The following SYNJ2BP variants were observed in gnomAD, a reference collection of about 807,000 sequenced individuals.
The protein encoded by SYNJ2BP is synaptojanin-2-binding protein.
Under a neutral mutation model 16.9 loss-of-function variants are expected in SYNJ2BP, and 10 were observed. The ratio of observed to expected loss-of-function variants is 0.59; its 90% CI spans 0.36 to 1.00. The LOEUF is 1.00. Ranked by LOEUF, SYNJ2BP falls within the 50% of genes least tolerant of loss-of-function variation. The pLI, the probability that SYNJ2BP is intolerant of heterozygous loss-of-function variation, is 0.01. For synonymous variants in SYNJ2BP, 54 were observed against 68.4 expected, an observed-to-expected ratio of 0.79 and a Z score of 1.04; for missense variants, 162 against 186.7, an observed-to-expected ratio of 0.87 and a Z score of 0.77.
At chr14:70,381,335 T>C (rs1343848257) in intron 2 of SYNJ2BP, among the ~76,000 whole-genome samples, 2 of 152,246 alleles carry the variant, frequency 1.3e-5, no homozygotes, top group East Asian at 1.9e-4. Context: ...GTTATTCTAA[T>C]GACTACTTTA....
At position 70,404,860 on chromosome 14, in the gene SYNJ2BP, T is replaced by C. The variant is rs1336164008; in HGVS notation, c.64+12040A>G. Among the ~76,000 whole-genome samples, 5 of 152,274 alleles carry C rather than the reference T, an allele frequency of 3.3e-5. No individual in the cohort carries two copies. In the East Asian group the frequency reaches 9.7e-4, roughly 29 times the overall value. On this transcript the variant is annotated intron_variant, in intron 1 of 3. Transcript: ENST00000256366. Reference sequence around the variant, plus strand: ...AATAAGGAGGGCCAGGTATAGCGGTTCACGCCTGTAATTCCAGCACTTTGG... The same window carrying C: ...AATAAGGAGGGCCAGGTATAGCGGTCCACGCCTGTAATTCCAGCACTTTGG...
At chr14:70,379,914 T>A (rs1887710897) in intron 2 of SYNJ2BP, among the ~76,000 whole-genome samples, 1 of 152,172 alleles carries the variant, frequency 6.6e-6, no homozygotes, top group Non-Finnish European at 1.5e-5. Context: ...TTCATAGTAA[T>A]ATAAATGCAA....
rs749661485 is a variant in SYNJ2BP at position 70,372,970 on chromosome 14, T to C, written c.*21A>G. ...GAGTGAAATGTATCTTCATTGGGAG[T>C]ATTGAAAGAGAGCAAGTTTTTCAAA... On this transcript the variant is annotated 3_prime_UTR_variant, in exon 4 of 4. Coordinates refer to ENST00000256366, the MANE Select transcript of SYNJ2BP (RefSeq NM_018373.3). 3.1e-6 allele frequency: 5 copies of C among 1,612,742 alleles called. No homozygotes were observed. Among genetic ancestry groups the C allele is most frequent in the Admixed American group, 3.3e-5 (2 of 59,912 alleles).
At chr14:70,378,144 T>C (rs1361182347) in intron 2 of SYNJ2BP, among the ~76,000 whole-genome samples, 1 of 152,224 alleles carries the variant, frequency 6.6e-6, no homozygotes, top group East Asian at 1.9e-4. Context: ...TCCTCTTCCC[T>C]TTCTTTCTCC....
rs568166292 is a variant in SYNJ2BP, at chr14:70,379,640, T to C, written c.202-3869A>G. The stretch of plus-strand genomic sequence containing the variant: ...TATGCCTTGGTTTTCTTGTTAGATA[T>C]GCTGTAGGAAAAGAACTTCAGGATT... On this transcript the variant is annotated intron_variant, in intron 2 of 3. Transcript: ENST00000256366. Among the ~76,000 whole-genome samples the C allele has an allele frequency of 5.9e-5, 9 of 152,360 alleles. No homozygotes were observed. In the East Asian group the frequency reaches 1.7e-3, roughly 29 times the overall value.
rs1467372990 is a variant in SYNJ2BP at position 70,417,028 on chromosome 14, A to G, written c.-65T>C. 6.2e-6 allele frequency: 10 copies of G among 1,612,114 alleles called. No homozygotes were observed. In the East Asian group the frequency reaches 2.0e-4, roughly 32 times the overall value. ...AGTGCAGCACAGGTGAAGGTGAATCAATCTCGGCGCTGCGCCCACAGCACA... is the reference window on the plus strand; with the variant it reads ...AGTGCAGCACAGGTGAAGGTGAATCGATCTCGGCGCTGCGCCCACAGCACA... On this transcript the variant is annotated 5_prime_UTR_variant, in exon 1 of 4. Coordinates refer to ENST00000256366, the MANE Select transcript of SYNJ2BP (RefSeq NM_018373.3).
chr14:70,397,151 T>C (rs1427965401), intron 1 of SYNJ2BP, among the ~76,000 whole-genome samples: 1 of 152,212 alleles, frequency 6.6e-6, no homozygotes, highest in African/African-American at 2.4e-5. Flanking sequence ...TTAATTTTTG[T>C]ACATAATGTT....
intron 2 of SYNJ2BP, among the ~76,000 whole-genome samples, chr14:70,376,172 A>G (rs1887625676): frequency 6.6e-6 from 1 of 152,222 alleles, no homozygotes; most frequent in African/African-American, 2.4e-5. Flanking sequence ...TGGCATTGCC[A>G]GCTGCAACTG....
chr14:70,375,205 C>CTTTTTTTTTT (rs201793770), intron 3 of SYNJ2BP, among the ~76,000 whole-genome samples: 4 of 121,214 alleles, frequency 3.3e-5, no homozygotes, highest in Non-Finnish European at 5.3e-5. Flanking sequence ...CTCTTTTTTT[C>CTTTTTTTTTT]TTTTTTTTTT....
In SYNJ2BP at chr14:70,382,356, A is replaced by T. The variant is rs889190753; in HGVS notation, c.201+6114T>A. ...TTGTTGTGTTAAACTTTTGCTTCAA[A>T]TACACACACACACTCATTTGACGAA... is the stretch of plus-strand genomic sequence containing the variant. On this transcript the variant is annotated intron_variant, in intron 2 of 3. Coordinates refer to ENST00000256366, the MANE Select transcript of SYNJ2BP (RefSeq NM_018373.3). Among the ~76,000 whole-genome samples, 32 of 152,250 alleles carry T rather than the reference A, an allele frequency of 2.1e-4. 1 individual carries two copies. The highest frequency in any genetic ancestry group is 8.5e-4 in the Admixed American group (13 of 15,294).
chr14:70,393,513 T>C lies in SYNJ2BP; in HGVS notation c.65-4907A>G, dbSNP rs531411492. Among the ~76,000 whole-genome samples the C allele has an allele frequency of 5.3e-5, 8 of 152,352 alleles. No individual in the cohort carries two copies. The South Asian group carries it at 1.7e-3, about 32-fold the overall frequency. On this transcript the variant is annotated intron_variant, in intron 1 of 3. Coordinates refer to ENST00000256366, the MANE Select transcript of SYNJ2BP (RefSeq NM_018373.3). Reference sequence around the variant, plus strand: ...AACACACAGGCACACATATGTTTACTGCAGCACTGTTTACAATAGCAAAGA... The same window carrying C: ...AACACACAGGCACACATATGTTTACCGCAGCACTGTTTACAATAGCAAAGA...
chr14:70,414,400 A>G (rs1435826927), intron 1 of SYNJ2BP, among the ~76,000 whole-genome samples: 1 of 152,226 alleles, frequency 6.6e-6, no homozygotes, highest in African/African-American at 2.4e-5. Context: ...TGGGTGAAAT[A>G]TATTAGCTAG....
chr14:70,376,348 C>G (rs987665204), intron 2 of SYNJ2BP, among the ~76,000 whole-genome samples: 6 of 152,208 alleles, frequency 3.9e-5, no homozygotes, highest in African/African-American at 1.4e-4. Flanking sequence ...TTAATCAAAA[C>G]TTAGTAAAAA....
chr14:70,396,881 T>A (rs1247256602), intron 1 of SYNJ2BP, among the ~76,000 whole-genome samples: 1 of 152,216 alleles, frequency 6.6e-6, no homozygotes, highest in African/African-American at 2.4e-5. Context: ...ATATGCTGGA[T>A]ATTAACTTCT....
At chr14:70,388,358 A>T (rs751399893) in intron 2 of SYNJ2BP, 112 bp downstream of exon 2, 1 of 1,358,312 alleles carries the variant, frequency 7.4e-7, no homozygotes, top group Non-Finnish European at 9.5e-7. Context: ...ATTCAACTCT[A>T]CAACCTGTAT....
At chr14:70,409,339 C>T (rs1399175034) in intron 1 of SYNJ2BP, among the ~76,000 whole-genome samples, 3 of 152,194 alleles carry the variant, frequency 2.0e-5, no homozygotes, top group Non-Finnish European at 2.9e-5. Flanking sequence ...TTTTACTTTA[C>T]TTTTCAGTCT....
intron 2 of SYNJ2BP, among the ~76,000 whole-genome samples, chr14:70,385,890 G>T (rs1464743595): frequency 1.3e-5 from 2 of 152,070 alleles, no homozygotes; most frequent in Non-Finnish European, 2.9e-5. Context: ...TGGGCAAATG[G>T]CTTGGGCACA....
chr14:70,380,821 C>T (rs1460257439), intron 2 of SYNJ2BP, among the ~76,000 whole-genome samples: 2 of 152,114 alleles, frequency 1.3e-5, no homozygotes, highest in African/African-American at 2.4e-5. Flanking sequence ...CTAGATATGA[C>T]TGATTTACTT....
chr14:70,381,013 T>A (rs1187610266), intron 2 of SYNJ2BP, among the ~76,000 whole-genome samples: 2 of 152,216 alleles, frequency 1.3e-5, no homozygotes, highest in African/African-American at 4.8e-5. Flanking sequence ...CACTTGAGCA[T>A]AATAAATAGC....
Sources: gnomAD v4.1 joint callset for allele counts (sites outside exome capture counted in the v4.1 genomes callset) on GRCh38, gnomAD v4.1.1 for gene constraint, MANE v1.5 for transcripts, NCBI Gene and HGNC (gene_info 2026-07-23, HGNC 2026-07-21) for gene names.